Variants in TRMT2B observed in about 807,000 individuals in gnomAD.
TRMT2B encodes the protein tRNA (uracil-5-)-methyltransferase homolog B.
TRMT2B carries 34 observed loss-of-function variants against 39.7 expected under a neutral mutation model. The ratio of observed to expected loss-of-function variants is 0.86; its 90% CI spans 0.65 to 1.14. The LOEUF is 1.14. Among genes scored for constraint, TRMT2B ranks in the 50% most tolerant of loss-of-function variants. TRMT2B has a pLI of 0.00. For missense variants in TRMT2B, 318 were observed against 377.2 expected (o/e 0.84, Z 1.30); for synonymous variants, 132 against 137.3 (o/e 0.96, Z 0.27).
intron 7 of TRMT2B, among the ~76,000 whole-genome samples, chrX:101,034,536 C>T: frequency 9.0e-6 from 1 of 111,277 alleles, no homozygotes; most frequent in South Asian, 3.7e-4. Context: ...GCTAGACCTC[C>T]CTGAATATAC....
At chrX:100,997,175 AC>A in the TRMT2B span, among the ~76,000 whole-genome samples, 1 of 111,838 alleles carries the variant, frequency 8.9e-6, no homozygotes, top group Non-Finnish European at 1.9e-5. Flanking sequence ...TGGCCTTAAC[AC>A]CTTTCCAGAC....
rs772661646 is a variant in TRMT2B, at chrX:101,050,593, G to A, written c.-24+658C>T. Among the ~76,000 whole-genome samples, 44 of 110,622 alleles carry A rather than the reference G, an allele frequency of 4.0e-4. No individual in the cohort carries two copies. In the South Asian group the frequency reaches 5.8e-3, roughly 15 times the overall value. ...TACAAAATTAGCCGGGTGTGGTGGC[G>A]CACGCCTGTAATCCCAGCTACTCGG... On this transcript the variant is annotated intron_variant, in intron 2 of 13. Transcript: ENST00000372936.
rs763633658 is a variant in TRMT2B, at chrX:101,019,465, C to A, written c.1169-62G>T. On this transcript the variant is annotated intron_variant, in intron 11 of 13. Coordinates refer to ENST00000372936, the MANE Select transcript of TRMT2B (RefSeq NM_024917.6). ...CAGCAGTAAGGGAAAGCTTCAGCTT[C>A]ACAGAAACGCACAGGAGCCAAGGGC... 4 of 1,159,790 alleles carry A rather than the reference C, an allele frequency of 3.4e-6. No individual in the cohort carries two copies. The East Asian group carries it at 1.2e-4, about 35-fold the overall frequency.
chrX:101,007,354 A>G (rs757648871), downstream of TRMT2B, among the ~76,000 whole-genome samples: 17 of 112,016 alleles, frequency 1.5e-4, no homozygotes, highest in South Asian at 2.6e-3. Context: ...TTTTAAAAGC[A>G]ATAGGAAGTT....
At chrX:101,043,937 A>G (rs184112516) in intron 2 of TRMT2B, among the ~76,000 whole-genome samples, 1 of 112,156 alleles carries the variant, frequency 8.9e-6, no homozygotes, top group Admixed American at 9.5e-5. Flanking sequence ...AAAATGAAAT[A>G]AGGAGGCTGA....
At chrX:100,996,418 T>C in the TRMT2B span, among the ~76,000 whole-genome samples, 5 of 112,154 alleles carry the variant, frequency 4.5e-5, no homozygotes, top group African/African-American at 1.3e-4. Context: ...GCTAGAAGAG[T>C]TTAAACATTC....
At chrX:100,983,838 A>C in the TRMT2B span, among the ~76,000 whole-genome samples, 1 of 111,453 alleles carries the variant, frequency 9.0e-6, no homozygotes, top group Non-Finnish European at 1.9e-5. Context: ...ACACATATAT[A>C]TGTACTCTCA....
chrX:101,005,295 A>C (rs1326417154), downstream of TRMT2B, among the ~76,000 whole-genome samples: 2 of 111,025 alleles, frequency 1.8e-5, no homozygotes, highest in Non-Finnish European at 3.8e-5. Flanking sequence ...CGGGAGGCTG[A>C]GGCAGGAGAA....
chrX:101,000,147 T>C, the TRMT2B span, among the ~76,000 whole-genome samples: 1 of 95,117 alleles, frequency 1.1e-5, no homozygotes, highest in Admixed American at 1.1e-4. Flanking sequence ...TGAGATGAAG[T>C]TTTGCTCTTG....
the TRMT2B span, among the ~76,000 whole-genome samples, chrX:100,995,629 T>C: frequency 1.8e-5 from 2 of 111,623 alleles, no homozygotes. Context: ...AGTCGCCACA[T>C]CCAGGAACTA....
Position 101,042,320 on chromosome X carries a change from A to G in TRMT2B, c.-23-8T>C. 1 of 1,197,859 alleles carries G rather than the reference A, an allele frequency of 8.3e-7. No individual in the cohort carries two copies. Among genetic ancestry groups the G allele is most frequent in the South Asian group, 1.8e-5 (1 of 54,262 alleles). On this transcript the variant is annotated splice_region_variant and splice_polypyrimidine_tract_variant and intron_variant, in intron 2 of 13. Coordinates refer to ENST00000372936, the MANE Select transcript of TRMT2B (RefSeq NM_024917.6). ...GAACACACTGAAATCCACCTGCATG[A>G]AAGGTACACATACAGAGGTTGGGAA...
intron 6 of TRMT2B, among the ~76,000 whole-genome samples, chrX:101,036,217 G>A (rs922337057): frequency 2.7e-5 from 3 of 111,039 alleles, no homozygotes; most frequent in African/African-American, 6.5e-5. Context: ...AGGCTAAGGC[G>A]AGTGGATCAC....
chrX:101,019,751 G>A (rs1231028468), intron 11 of TRMT2B, among the ~76,000 whole-genome samples: 3 of 108,229 alleles, frequency 2.8e-5, no homozygotes, highest in Non-Finnish European at 3.8e-5. Flanking sequence ...CTCTGCCTCA[G>A]CCTCCCGAGT....
At chrX:101,035,873 T>A (rs775107499) in intron 6 of TRMT2B, among the ~76,000 whole-genome samples, 190 bp from the exon 7 acceptor site, 64 of 112,284 alleles carry the variant, frequency 5.7e-4, no homozygotes, top group African/African-American at 1.9e-3. Context: ...TAATTATTTA[T>A]GAAGCTACTC....
At chrX:100,987,560 C>T in the TRMT2B span, 5 of 1,207,462 alleles carry the variant, frequency 4.1e-6, no homozygotes, top group Admixed American at 8.8e-5. Flanking sequence ...CACACAGGTA[C>T]TGAGATGCCG....
the TRMT2B span, among the ~76,000 whole-genome samples, chrX:100,975,947 T>C: frequency 9.0e-6 from 1 of 111,405 alleles, no homozygotes; most frequent in South Asian, 3.8e-4. Flanking sequence ...TGTTGCCATT[T>C]TCTATAACAA....
chrX:101,042,002 G>T, intron 3 of TRMT2B, 40 bp downstream of exon 3: 1 of 1,196,481 alleles, frequency 8.4e-7, no homozygotes, highest in South Asian at 1.8e-5. Context: ...TGTACAGATT[G>T]AGACCTGCTA....
chrX:101,039,366 C>T (rs1361752717), intron 4 of TRMT2B, among the ~76,000 whole-genome samples: 4 of 112,074 alleles, frequency 3.6e-5, no homozygotes, highest in South Asian at 3.6e-4. Context: ...CCACCACGCC[C>T]GGCCCTAAAT....
chrX:101,042,196 A>G lies in TRMT2B; in HGVS notation c.94T>C (p.Tyr32His). ...LFSKPGLLPW[Y>H]ARNPPGWSQL... ...GACCATCCTGGTGGATTTCTGGCAT[A>G]CCAGGGAAGCAGTCCTGGTTTGGAG... The change falls in exon 3 of 14, where the codon TAT becomes CAT. Residue 32 changes from tyrosine (Y) to histidine (H), a missense_variant. Coordinates refer to ENST00000372936, the MANE Select transcript of TRMT2B (RefSeq NM_024917.6). 8.2e-7 allele frequency: 1 copy of G among 1,212,213 alleles called. No individual in the cohort carries two copies. Among genetic ancestry groups the G allele is most frequent in the Non-Finnish European group, 1.1e-6 (1 of 895,633 alleles).
Sources: allele counts gnomAD v4.1 joint callset (sites outside exome capture counted in the v4.1 genomes callset), GRCh38; gene constraint gnomAD v4.1.1; transcripts MANE v1.5; gene names NCBI Gene and HGNC (gene_info 2026-07-23, HGNC 2026-07-21).